Variants in MPPED1 observed in about 807,000 individuals in gnomAD.
MPPED1 encodes metallophosphoesterase domain-containing protein 1.
In MPPED1, 16 loss-of-function variants were observed where a neutral mutation model predicts 36.2. The observed-to-expected ratio is 0.44, with a 90% CI of 0.30 to 0.67. The LOEUF (loss-of-function observed/expected upper bound fraction) is 0.67. Among genes scored for constraint, MPPED1 ranks in the 30% least tolerant of loss-of-function variants. The pLI is 0.10. For missense variants in MPPED1, 307 were observed against 453.4 expected, an observed-to-expected ratio of 0.68 and a Z score of 2.93; for synonymous variants, 199 against 191.3, an observed-to-expected ratio of 1.04 and a Z score of -0.33.
At chr22:43,450,232 A>G (rs894526281) in intron 3 of MPPED1, among the ~76,000 whole-genome samples, 1 of 152,038 alleles carries the variant, frequency 6.6e-6, no homozygotes, top group Non-Finnish European at 1.5e-5. Flanking sequence ...GGGCTAGTTT[A>G]ATTCCTGAAT....
At chr22:43,500,305 T>TGGG in intron 5 of MPPED1, among the ~76,000 whole-genome samples, 1 of 82,712 alleles carries the variant, frequency 1.2e-5, no homozygotes, top group Non-Finnish European at 2.6e-5. Context: ...GTGGTGGTGA[T>TGGG]GGTGATGGAG....
At chr22:43,451,194 AC>A (rs11360981) in intron 3 of MPPED1, among the ~76,000 whole-genome samples, 3,374 of 151,882 alleles carry the variant, frequency 0.022, 128 homozygotes, top group African/African-American at 0.078. Context: ...TTTAATAGAG[AC>A]TGGGTTTCAC....
chr22:43,477,887 C>T (rs1024361294), intron 4 of MPPED1, among the ~76,000 whole-genome samples: 2 of 152,208 alleles, frequency 1.3e-5, no homozygotes, highest in African/African-American at 4.8e-5. Flanking sequence ...CACCGCCTGC[C>T]TTGTTGGGGG....
rs147647901 is a variant in MPPED1, at chr22:43,461,930, G to A, written c.407-12806G>A. Among the ~76,000 whole-genome samples, 308 of 152,286 alleles carry A rather than the reference G, an allele frequency of 2.0e-3. 1 individual carries two copies. The highest frequency in any genetic ancestry group is 3.1e-3 in the Non-Finnish European group (210 of 68,036). On this transcript the variant is annotated intron_variant, in intron 3 of 6. Transcript: ENST00000443721. Reference sequence around the variant, plus strand: ...TTGTGAGGATGAGAAATAGGGCACCGGGGAGGTGGCTGAAGTTCCCATCAG... The same window carrying A: ...TTGTGAGGATGAGAAATAGGGCACCAGGGAGGTGGCTGAAGTTCCCATCAG...
intron 3 of MPPED1, among the ~76,000 whole-genome samples, chr22:43,447,510 C>T (rs183574963): frequency 5.9e-5 from 9 of 152,170 alleles, no homozygotes; most frequent in Admixed American, 1.3e-4. Context: ...CTGCCTGCCT[C>T]CTGCACCTGC....
At chr22:43,455,181 C>T (rs1397407793) in intron 3 of MPPED1, among the ~76,000 whole-genome samples, 2 of 144,150 alleles carry the variant, frequency 1.4e-5, no homozygotes, top group African/African-American at 2.6e-5. Flanking sequence ...GTGATCTCGG[C>T]CCACAGCAAC....
intron 3 of MPPED1, among the ~76,000 whole-genome samples, chr22:43,442,985 G>C (rs943474033): frequency 6.6e-6 from 1 of 152,160 alleles, no homozygotes; most frequent in Non-Finnish European, 1.5e-5. Flanking sequence ...TCACTGCTTT[G>C]GTGCTGGAGA....
intron 1 of MPPED1, among the ~76,000 whole-genome samples, chr22:43,417,500 G>T (rs1601942120): frequency 7.6e-6 from 1 of 131,240 alleles, no homozygotes. Context: ...CTCATCAATT[G>T]CATATTTTCA....
intron 4 of MPPED1, among the ~76,000 whole-genome samples, chr22:43,480,990 A>AT (rs1931732081): frequency 6.6e-6 from 1 of 151,692 alleles, no homozygotes; most frequent in African/African-American, 2.4e-5. Flanking sequence ...TGCCCAGCTA[A>AT]TTTTTGTATT....
intron 2 of MPPED1, among the ~76,000 whole-genome samples, chr22:43,433,824 G>A (rs1000769726): frequency 2.6e-5 from 4 of 152,114 alleles, no homozygotes; most frequent in Admixed American, 6.5e-5. Flanking sequence ...ATATGGCACC[G>A]CTTTTGGTTT....
chr22:43,445,924 G>A (rs1396396943), intron 3 of MPPED1, among the ~76,000 whole-genome samples: 1 of 136,262 alleles, frequency 7.3e-6, no homozygotes, highest in African/African-American at 2.9e-5. Flanking sequence ...AGGCTGGAGT[G>A]CAGTGGTGTG....
intron 4 of MPPED1, among the ~76,000 whole-genome samples, chr22:43,478,643 G>A (rs1931649678): frequency 6.6e-6 from 1 of 152,156 alleles, no homozygotes; most frequent in African/African-American, 2.4e-5. Flanking sequence ...GGGGACCACA[G>A]AGCTGAGTGT....
At chr22:43,473,253 A>AG (rs1435800134) in intron 3 of MPPED1, among the ~76,000 whole-genome samples, 2 of 152,140 alleles carry the variant, frequency 1.3e-5, no homozygotes, top group South Asian at 2.1e-4. Flanking sequence ...TGAGGAGTGA[A>AG]GGGGGTGTCA....
At chr22:43,486,747 GCC>G (rs145953757) in intron 4 of MPPED1, among the ~76,000 whole-genome samples, 3,265 of 152,034 alleles carry the variant, frequency 0.021, 119 homozygotes, top group African/African-American at 0.075. Context: ...GCTGGGAGGG[GCC>G]CCCAGGGGAG....
chr22:43,452,955 T>A (rs1324880700), intron 3 of MPPED1, among the ~76,000 whole-genome samples: 5 of 106,872 alleles, frequency 4.7e-5, no homozygotes, highest in Admixed American at 1.2e-4. Context: ...GAACTTTTAG[T>A]CTTACTTTTT....
chr22:43,486,390 G>A (rs1189544424), intron 4 of MPPED1, among the ~76,000 whole-genome samples: 1 of 152,114 alleles, frequency 6.6e-6, no homozygotes, highest in East Asian at 1.9e-4. Context: ...TATTGGGGTG[G>A]GAAGAACAAA....
At chr22:43,503,609 G>T (rs750981770) in intron 6 of MPPED1, among the ~76,000 whole-genome samples, 2 of 152,178 alleles carry the variant, frequency 1.3e-5, no homozygotes, top group South Asian at 2.1e-4. Context: ...GCAGCTCATT[G>T]TCAAGGGGAA....
chr22:43,422,076 T>C (rs1405669107), intron 1 of MPPED1, among the ~76,000 whole-genome samples: 1 of 152,156 alleles, frequency 6.6e-6, no homozygotes, highest in East Asian at 1.9e-4. Context: ...GGGCTCTTCC[T>C]GGGACCCTGA....
chr22:43,467,120 G>A (rs1931199962), intron 3 of MPPED1, among the ~76,000 whole-genome samples: 2 of 152,212 alleles, frequency 1.3e-5, no homozygotes, highest in Admixed American at 1.3e-4. Context: ...GGACACTAAA[G>A]CTCAGGGAAG....
Sources: gnomAD v4.1 joint callset for allele counts (sites outside exome capture counted in the v4.1 genomes callset) on GRCh38, gnomAD v4.1.1 for gene constraint, MANE v1.5 for transcripts, NCBI Gene and HGNC (gene_info 2026-07-23, HGNC 2026-07-21) for gene names.